PLS1: variants seen among roughly 807,000 people sequenced by gnomAD.
PLS1 encodes plastin 1.
In PLS1, 32 loss-of-function variants were observed where a neutral mutation model predicts 73.7. The ratio of observed to expected loss-of-function variants is 0.43; its 90% confidence interval spans 0.33 to 0.58. The LOEUF (loss-of-function observed/expected upper bound fraction) is 0.58. Ranked by LOEUF, PLS1 falls within the 20% of genes least tolerant of loss-of-function variation. PLS1 has a pLI of 0.04. For synonymous variants in PLS1, 217 were observed against 261.3 expected, an observed-to-expected ratio of 0.83 and a Z score of 1.63; for missense variants, 633 against 740.5, an observed-to-expected ratio of 0.85 and a Z score of 1.68.
intron 2 of PLS1, among the ~76,000 whole-genome samples, chr3:142,665,872 T>G (rs2037470335): frequency 6.6e-6 from 1 of 152,128 alleles, no homozygotes; most frequent in Non-Finnish European, 1.5e-5. Flanking sequence ...GGAGCTGCTC[T>G]GCTAGGTACA....
At chr3:142,674,520 A>C (rs992046524) in intron 4 of PLS1, among the ~76,000 whole-genome samples, 1 of 152,198 alleles carries the variant, frequency 6.6e-6, no homozygotes, top group African/African-American at 2.4e-5. Flanking sequence ...AAGGATTTAT[A>C]ATCTTAAATG....
intron 11 of PLS1, among the ~76,000 whole-genome samples, chr3:142,697,490 T>C (rs2038236118): frequency 6.6e-6 from 1 of 152,206 alleles, no homozygotes; most frequent in South Asian, 2.1e-4. Flanking sequence ...TTAACTGTCC[T>C]TAGCATATAT....
intron 1 of PLS1, among the ~76,000 whole-genome samples, chr3:142,644,387 A>T (rs2036908094): frequency 6.6e-6 from 1 of 151,840 alleles, no homozygotes; most frequent in Non-Finnish European, 1.5e-5. Context: ...AGTAACTAAG[A>T]CCACAGGTGC....
chr3:142,668,585 G>A (rs2037527180), intron 2 of PLS1, among the ~76,000 whole-genome samples: 1 of 151,266 alleles, frequency 6.6e-6, no homozygotes. Flanking sequence ...TTAGCTATCT[G>A]TGACTTCCCC....
chr3:142,649,433 C>T (rs1038447973), intron 1 of PLS1, among the ~76,000 whole-genome samples: 6 of 149,352 alleles, frequency 4.0e-5, no homozygotes, highest in East Asian at 3.9e-4. Context: ...GTCAGGAGTT[C>T]GAGACCAGCC....
chr3:142,622,062 G>A (rs2036325868), intron 1 of PLS1, among the ~76,000 whole-genome samples: 1 of 152,148 alleles, frequency 6.6e-6, no homozygotes, highest in South Asian at 2.1e-4. Context: ...GAACCTCACT[G>A]TTGCAGTCCG....
intron 4 of PLS1, among the ~76,000 whole-genome samples, chr3:142,672,399 G>A (rs1376086031): frequency 6.8e-6 from 1 of 146,616 alleles, no homozygotes; most frequent in Non-Finnish European, 1.5e-5. Context: ...CTGGAGTGCA[G>A]TGGTGCGATC....
intron 1 of PLS1, among the ~76,000 whole-genome samples, chr3:142,603,986 T>C (rs1277236061): frequency 6.6e-6 from 1 of 152,088 alleles, no homozygotes; most frequent in African/African-American, 2.4e-5. Flanking sequence ...ACCCAAAATA[T>C]TAGCAGAAAT....
rs115108379 is a variant in PLS1 at position 142,639,897 on chromosome 3, A to G, written c.-36-24305A>G. Among the ~76,000 whole-genome samples, 1,153 of 152,346 alleles carry G rather than the reference A, an allele frequency of 7.6e-3. 18 individuals are homozygous for G. The highest frequency in any genetic ancestry group is 0.027 in the African/African-American group (1,109 of 41,582). On this transcript the variant is annotated intron_variant, in intron 1 of 15. Transcript: ENST00000457734. ...ACATAGTGTTAAACACTAAGCAGTCATAAACTATTTACTTAATTGAATTGA... is the reference window on the plus strand; with the variant it reads ...ACATAGTGTTAAACACTAAGCAGTCGTAAACTATTTACTTAATTGAATTGA...
intron 1 of PLS1, among the ~76,000 whole-genome samples, chr3:142,662,808 A>G (rs2037399406): frequency 1.3e-5 from 2 of 152,220 alleles, no homozygotes; most frequent in South Asian, 4.1e-4. Flanking sequence ...ATGTTGATGA[A>G]CAACATGAAA....
At chr3:142,599,984 TTC>T (rs547131952) in intron 1 of PLS1, among the ~76,000 whole-genome samples, 4 of 151,796 alleles carry the variant, frequency 2.6e-5, no homozygotes, top group Non-Finnish European at 5.9e-5. Flanking sequence ...TGGTCTTGAA[TTC>T]TTTGGCCTGC....
At chr3:142,686,176 C>A (rs756952256) in intron 8 of PLS1, 108 bp from the exon 9 acceptor site, 4 of 687,922 alleles carry the variant, frequency 5.8e-6, no homozygotes, top group Non-Finnish European at 1.0e-5. Flanking sequence ...TAAAGTTATT[C>A]CATTCTTTGA....
In PLS1 at chr3:142,602,282, G is replaced by A. The variant is rs560034000; in HGVS notation, c.-37+5773G>A. 3.9e-5 allele frequency among the ~76,000 whole-genome samples: 6 copies of A among 152,198 alleles called. No homozygotes were observed. In the East Asian group the frequency reaches 9.7e-4, roughly 25 times the overall value. On this transcript the variant is annotated intron_variant, in intron 1 of 15. Transcript: ENST00000457734. ...GAGTGAGTTGGTGGTCATCCAGGGC[G>A]TGTCTGTGGAGTTGGCAATGGGAAA...
At chr3:142,609,549 G>T (rs2036081898) in intron 1 of PLS1, among the ~76,000 whole-genome samples, 1 of 152,220 alleles carries the variant, frequency 6.6e-6, no homozygotes, top group Admixed American at 6.5e-5. Context: ...ATAAGAGGGA[G>T]CACATAGGTA....
intron 8 of PLS1, among the ~76,000 whole-genome samples, chr3:142,685,123 G>C (rs2037937270): frequency 6.6e-6 from 1 of 151,638 alleles, no homozygotes; most frequent in South Asian, 2.1e-4. Context: ...TGGCCTACAG[G>C]ACAGTCTCTC....
chr3:142,666,791 C>T (rs1004759841), intron 2 of PLS1, among the ~76,000 whole-genome samples: 14 of 152,242 alleles, frequency 9.2e-5, no homozygotes, highest in Non-Finnish European at 2.1e-4. Flanking sequence ...ATTTTCTTCA[C>T]ATCCTCACCA....
intron 1 of PLS1, among the ~76,000 whole-genome samples, chr3:142,661,322 T>G (rs2037365053): frequency 6.6e-6 from 1 of 152,222 alleles, no homozygotes; most frequent in East Asian, 1.9e-4. Context: ...TACTCCTTTT[T>G]CTACTGACTT....
chr3:142,633,885 A>C (rs2036620740), intron 1 of PLS1, among the ~76,000 whole-genome samples: 1 of 152,216 alleles, frequency 6.6e-6, no homozygotes, highest in African/African-American at 2.4e-5. Context: ...ACTGACCCAG[A>C]ACTAACACAG....
chr3:142,706,566 G>A (rs930450373), intron 14 of PLS1, among the ~76,000 whole-genome samples: 1 of 152,124 alleles, frequency 6.6e-6, no homozygotes, highest in Non-Finnish European at 1.5e-5. Flanking sequence ...TTGAGTAAAG[G>A]GGGTAATAAG....
Sources: allele counts gnomAD v4.1 joint callset (sites outside exome capture counted in the v4.1 genomes callset), GRCh38; gene constraint gnomAD v4.1.1; transcripts MANE v1.5; gene names NCBI Gene and HGNC (gene_info 2026-07-23, HGNC 2026-07-21).